LRRC37A2: variants seen among roughly 807,000 people sequenced by gnomAD.
The protein encoded by LRRC37A2 is leucine-rich repeat-containing protein 37A2.
In LRRC37A2, 9 loss-of-function variants were observed where a neutral mutation model predicts 68.8. That is an observed-to-expected ratio of 0.13 (90% confidence interval 0.08 to 0.23). LRRC37A2 has a LOEUF of 0.23. LRRC37A2 is among the 10% of genes least tolerant of loss of function. The pLI is 1.00. For synonymous variants in LRRC37A2, 63 were observed against 367.6 expected (o/e 0.17, Z 9.48); for missense variants, 168 against 950.4 (o/e 0.18, Z 10.82).
chr17:46,979,022 G>A, the LRRC37A2 span: 2 of 1,390,710 alleles, frequency 1.4e-6, no homozygotes, highest in Non-Finnish European at 1.8e-6. Flanking sequence ...GCGCGGCGCC[G>A]GGGGTCTCGG....
At chr17:46,875,253 G>T in the LRRC37A2 span, 1 of 1,614,190 alleles carries the variant, frequency 6.2e-7, no homozygotes. Flanking sequence ...GGGCGTGTGC[G>T]GTGACAACCT....
chr17:46,874,061 C>T, the LRRC37A2 span, among the ~76,000 whole-genome samples: 5 of 151,762 alleles, frequency 3.3e-5, no homozygotes, highest in African/African-American at 4.8e-5. Context: ...CTGCTCTCCA[C>T]GGTCTGCAGC....
the LRRC37A2 span, among the ~76,000 whole-genome samples, chr17:46,829,680 A>C: frequency 6.6e-6 from 1 of 151,748 alleles, no homozygotes; most frequent in Non-Finnish European, 1.5e-5. Context: ...GCCTGGGGAC[A>C]CTGGGACTCA....
At chr17:46,612,335 T>TA in the LRRC37A2 span, among the ~76,000 whole-genome samples, 1 of 25,618 alleles carries the variant, frequency 3.9e-5, no homozygotes, top group Non-Finnish European at 6.5e-5. Context: ...TGCAGTTCCT[T>TA]AAAAAACTAA....
chr17:47,044,236 C>G, the LRRC37A2 span, among the ~76,000 whole-genome samples: 28 of 150,290 alleles, frequency 1.9e-4, no homozygotes, highest in African/African-American at 5.9e-4. Flanking sequence ...CTTGTAGTCT[C>G]AAAGGTTTGT....
the LRRC37A2 span, among the ~76,000 whole-genome samples, chr17:46,813,203 C>G: frequency 6.6e-6 from 1 of 151,810 alleles, no homozygotes; most frequent in African/African-American, 2.4e-5. Context: ...TGCTTCACAG[C>G]AACGAGCCCA....
At chr17:46,843,551 T>C in the LRRC37A2 span, among the ~76,000 whole-genome samples, 1 of 152,260 alleles carries the variant, frequency 6.6e-6, no homozygotes, top group African/African-American at 2.4e-5. Flanking sequence ...CCTGGGTTCC[T>C]GCCTCATTTG....
the LRRC37A2 span, chr17:46,978,536 C>T: frequency 2.8e-5 from 39 of 1,393,902 alleles, no homozygotes; most frequent in Non-Finnish European, 3.4e-5. Flanking sequence ...GCCCCAGGCA[C>T]GTAGCTGCCC....
chr17:46,791,293 A>C, the LRRC37A2 span, among the ~76,000 whole-genome samples: 2 of 151,570 alleles, frequency 1.3e-5, no homozygotes, highest in Admixed American at 1.3e-4. Context: ...AGCTCACTGC[A>C]ACCTCCGTCT....
At chr17:46,709,781 C>T in the LRRC37A2 span, among the ~76,000 whole-genome samples, 1 of 152,136 alleles carries the variant, frequency 6.6e-6, no homozygotes, top group Admixed American at 6.5e-5. Context: ...AGGCTTGAGT[C>T]ACTGCGCCCG....
the LRRC37A2 span, among the ~76,000 whole-genome samples, chr17:46,709,766 A>T: frequency 6.6e-6 from 1 of 152,300 alleles, no homozygotes; most frequent in East Asian, 1.9e-4. Flanking sequence ...AAGTGCTGGG[A>T]TTATAGGCTT....
the LRRC37A2 span, among the ~76,000 whole-genome samples, chr17:46,834,909 A>C: frequency 6.6e-6 from 1 of 152,138 alleles, no homozygotes; most frequent in African/African-American, 2.4e-5. Context: ...ATGGCCATTG[A>C]GCTCACCTGT....
chr17:46,894,978 G>C, the LRRC37A2 span, among the ~76,000 whole-genome samples: 1 of 152,180 alleles, frequency 6.6e-6, no homozygotes, highest in Admixed American at 6.5e-5. Context: ...GGACGTGCTC[G>C]CCTGTCCGCT....
chr17:46,995,696 C>G, the LRRC37A2 span, among the ~76,000 whole-genome samples: 3 of 152,290 alleles, frequency 2.0e-5, no homozygotes, highest in South Asian at 6.2e-4. Context: ...CATGGAGCAC[C>G]CTGTTGGCTC....
Position 46,522,476 on chromosome 17 carries a change from G to A in LRRC37A2, c.2754-608G>A, listed in dbSNP as rs1378010201. Among the ~76,000 whole-genome samples, 53 of 123,500 alleles carry A rather than the reference G, an allele frequency of 4.3e-4. 1 individual carries two copies. The highest frequency in any genetic ancestry group is 5.4e-4 in the Admixed American group (7 of 12,880). The allele number at this position is 123,500 out of a possible 152,430, so 81.0% of individuals were successfully genotyped here. ...GTTTGTTTGTTTGAGACGGAATCTC[G>A]CTCTGTCGCCCAGGCTGGAGTGCAG... On this transcript the variant is annotated intron_variant, in intron 4 of 14. Transcript: ENST00000576629.
the LRRC37A2 span, among the ~76,000 whole-genome samples, chr17:46,502,823 G>C: frequency 6.6e-6 from 1 of 151,110 alleles, no homozygotes; most frequent in Non-Finnish European, 1.5e-5. Context: ...CCACCCAGGG[G>C]CTCAGAGCCC....
chr17:46,952,561 G>A, the LRRC37A2 span: 1 of 152,222 alleles, frequency 6.6e-6, no homozygotes, highest in Non-Finnish European at 1.5e-5. Flanking sequence ...GTTGCTGGGA[G>A]AGACTTCTGG....
the LRRC37A2 span, among the ~76,000 whole-genome samples, chr17:46,777,703 G>C: frequency 6.6e-6 from 1 of 152,212 alleles, no homozygotes; most frequent in Non-Finnish European, 1.5e-5. Flanking sequence ...AACAACTCTG[G>C]GAGGTGGGCA....
chr17:47,036,504 C>A, the LRRC37A2 span, among the ~76,000 whole-genome samples: 1 of 152,036 alleles, frequency 6.6e-6, no homozygotes, highest in Non-Finnish European at 1.5e-5. Flanking sequence ...TATTTTGCAT[C>A]AATTCTTATA....
Sources: allele counts gnomAD v4.1 joint callset (sites outside exome capture counted in the v4.1 genomes callset), GRCh38; gene constraint gnomAD v4.1.1; transcripts MANE v1.5; gene names NCBI Gene and HGNC (gene_info 2026-07-23, HGNC 2026-07-21).